The following BMAL2 variants were observed in gnomAD, a reference collection of about 807,000 sequenced individuals.
BMAL2 encodes the protein basic helix-loop-helix ARNT like 2.
chr12:27,346,663 CAT>C, the BMAL2 span, among the ~76,000 whole-genome samples: 1 of 152,160 alleles, frequency 6.6e-6, no homozygotes, highest in Non-Finnish European at 1.5e-5. Context: ...ATTCTTTTCC[CAT>C]AGTCTGCTGT....
At chr12:27,403,475 C>T in the BMAL2 span, 2 of 1,611,650 alleles carry the variant, frequency 1.2e-6, no homozygotes, top group Non-Finnish European at 1.7e-6. Context: ...GGAATGTCTA[C>T]TGGAACAGTA....
chr12:27,412,837 T>C, the BMAL2 span, among the ~76,000 whole-genome samples: 1 of 152,088 alleles, frequency 6.6e-6, no homozygotes, highest in Non-Finnish European at 1.5e-5. Context: ...AGACACATTA[T>C]AATCAAATTC....
chr12:27,421,111 C>T, the BMAL2 span: 1 of 152,196 alleles, frequency 6.6e-6, no homozygotes, highest in Non-Finnish European at 1.5e-5. Flanking sequence ...TATTTATGCT[C>T]AGTTGAGCAC....
At chr12:27,419,617 A>G in the BMAL2 span, among the ~76,000 whole-genome samples, 1 of 152,202 alleles carries the variant, frequency 6.6e-6, no homozygotes, top group Admixed American at 6.5e-5. Flanking sequence ...AAACTATTGT[A>G]TATAGTTTCA....
the BMAL2 span, among the ~76,000 whole-genome samples, chr12:27,420,012 T>TGCGCGCGCGCGCGCGC: frequency 1.4e-4 from 9 of 64,822 alleles, no homozygotes; most frequent in African/African-American, 6.9e-4. Flanking sequence ...TTCCAGGGTT[T>TGCGCGCGCGCGCGCGC]GCGCGTGCAC....
chr12:27,356,789 C>T, the BMAL2 span, among the ~76,000 whole-genome samples: 3 of 152,008 alleles, frequency 2.0e-5, no homozygotes, highest in South Asian at 4.1e-4. Flanking sequence ...TTTGGGGGAA[C>T]AGGTGGTGTT....
At chr12:27,420,696 A>G in the BMAL2 span, 1 of 837,260 alleles carries the variant, frequency 1.2e-6, no homozygotes, top group Non-Finnish European at 1.7e-6. Context: ...GATGTGGGGA[A>G]ATACGTTTTC....
At chr12:27,357,109 A>G in the BMAL2 span, among the ~76,000 whole-genome samples, 15 of 152,254 alleles carry the variant, frequency 9.9e-5, no homozygotes, top group East Asian at 1.3e-3. Flanking sequence ...GCTGAGTAGT[A>G]TATGTATTTT....
the BMAL2 span, chr12:27,368,340 C>T: frequency 2.5e-6 from 4 of 1,614,124 alleles, no homozygotes; most frequent in South Asian, 4.4e-5. Context: ...AGACCAACAG[C>T]TATGGGGTCT....
At chr12:27,388,254 C>T in the BMAL2 span, among the ~76,000 whole-genome samples, 1 of 152,136 alleles carries the variant, frequency 6.6e-6, no homozygotes, top group African/African-American at 2.4e-5. Context: ...TGTAGGGATT[C>T]CCATGATTCA....
the BMAL2 span, among the ~76,000 whole-genome samples, chr12:27,396,647 C>T: frequency 6.6e-6 from 1 of 152,188 alleles, no homozygotes; most frequent in Non-Finnish European, 1.5e-5. Flanking sequence ...ATGTTCACTC[C>T]CACGCCAAGC....
the BMAL2 span, among the ~76,000 whole-genome samples, chr12:27,406,225 T>C: frequency 5.7e-4 from 86 of 152,168 alleles, no homozygotes; most frequent in Non-Finnish European, 9.7e-4. Context: ...AACATTCAGA[T>C]TCAGGAAATA....
chr12:27,334,165 G>A, the BMAL2 span, among the ~76,000 whole-genome samples: 1 of 152,174 alleles, frequency 6.6e-6, no homozygotes, highest in Non-Finnish European at 1.5e-5. Flanking sequence ...TTGAATATTC[G>A]TAGTCTTAGG....
the BMAL2 span, chr12:27,389,217 T>G: frequency 6.2e-7 from 1 of 1,612,898 alleles, no homozygotes; most frequent in Middle Eastern, 1.7e-4. Context: ...ACTTCTTACA[T>G]CCAAAAGATG....
chr12:27,370,290 C>A, the BMAL2 span: 1 of 1,277,522 alleles, frequency 7.8e-7, no homozygotes, highest in Non-Finnish European at 1.1e-6. Context: ...CATAGAGTGG[C>A]AGTGAAAACA....
At chr12:27,349,126 T>A in the BMAL2 span, among the ~76,000 whole-genome samples, 3 of 152,154 alleles carry the variant, frequency 2.0e-5, no homozygotes, top group Non-Finnish European at 4.4e-5. Flanking sequence ...GGCAGCATCA[T>A]GCAGTGCACT....
At chr12:27,370,663 T>C in the BMAL2 span, among the ~76,000 whole-genome samples, 2 of 152,076 alleles carry the variant, frequency 1.3e-5, no homozygotes, top group Non-Finnish European at 1.5e-5. Context: ...GGAGTGCAAA[T>C]GGCGCAATCT....
the BMAL2 span, among the ~76,000 whole-genome samples, chr12:27,420,019 G>GCGCACGCACACACA: frequency 3.8e-4 from 56 of 147,570 alleles, no homozygotes; most frequent in South Asian, 0.011. Context: ...GTTTGCGCGT[G>GCGCACGCACACACA]CACACACACA....
the BMAL2 span, among the ~76,000 whole-genome samples, chr12:27,344,855 A>T: frequency 6.6e-6 from 1 of 152,306 alleles, no homozygotes; most frequent in Admixed American, 6.5e-5. Context: ...ACCTGTGAGG[A>T]TTGTATAAAA....
Sources: allele counts gnomAD v4.1 joint callset (sites outside exome capture counted in the v4.1 genomes callset), GRCh38; gene constraint gnomAD v4.1.1; transcripts MANE v1.5; gene names NCBI Gene and HGNC (gene_info 2026-07-23, HGNC 2026-07-21).